RORA: variants seen among roughly 807,000 people sequenced by gnomAD.
RORA encodes RAR related orphan receptor A, also known as nuclear receptor ROR-alpha.
A neutral mutation model predicts 69.5 loss-of-function variants in RORA; 7 were observed. That is an observed-to-expected ratio of 0.10 (90% CI 0.06 to 0.19). The LOEUF is 0.19. RORA is among the 10% of genes least tolerant of loss of function. The probability of loss-of-function intolerance (pLI) is 1.00; values close to 1 mark genes in which losing one functional copy is unlikely to be tolerated. For missense variants in RORA, 457 were observed against 663.0 expected, an observed-to-expected ratio of 0.69 and a Z score of 3.41; for synonymous variants, 261 against 240.8, an observed-to-expected ratio of 1.08 and a Z score of -0.78.
chr15:60,972,245 G>T (rs762201864), intron 1 of RORA, among the ~76,000 whole-genome samples: 1 of 152,214 alleles, frequency 6.6e-6, no homozygotes, highest in Admixed American at 6.5e-5. Flanking sequence ...TTGGAGTCAA[G>T]CCTGGTGAAA....
intron 2 of RORA, chr15:60,556,967 A>G (rs898705508): frequency 1.3e-6 from 2 of 1,540,968 alleles, no homozygotes; most frequent in Non-Finnish European, 1.8e-6. Flanking sequence ...AAGGACAAAG[A>G]AAAGATTTAT....
At chr15:60,828,927 G>A (rs1223094323) in intron 1 of RORA, among the ~76,000 whole-genome samples, 1 of 152,158 alleles carries the variant, frequency 6.6e-6, no homozygotes, top group Non-Finnish European at 1.5e-5. Flanking sequence ...TATCCAAAGA[G>A]TTGCTCATTT....
chr15:60,856,247 T>C (rs570847990), intron 1 of RORA, among the ~76,000 whole-genome samples: 2 of 152,346 alleles, frequency 1.3e-5, no homozygotes, highest in Non-Finnish European at 1.5e-5. Context: ...GAGGCCACTA[T>C]TAAGTGGCAT....
intron 1 of RORA, among the ~76,000 whole-genome samples, chr15:60,708,966 T>C (rs1259706540): frequency 2.0e-5 from 3 of 152,174 alleles, no homozygotes; most frequent in Non-Finnish European, 2.9e-5. Context: ...CTTGATGTAG[T>C]GCCTGCATAG....
intron 1 of RORA, among the ~76,000 whole-genome samples, chr15:60,922,091 A>G (rs1892065482): frequency 6.6e-6 from 1 of 152,202 alleles, no homozygotes; most frequent in Non-Finnish European, 1.5e-5. Flanking sequence ...GTTTTTGCAT[A>G]TATACATCAG....
At chr15:60,959,853 A>C (rs988423333) in intron 1 of RORA, among the ~76,000 whole-genome samples, 1 of 152,158 alleles carries the variant, frequency 6.6e-6, no homozygotes, top group Non-Finnish European at 1.5e-5. Context: ...GGTTTATGGT[A>C]GAGACATATC....
intron 1 of RORA, among the ~76,000 whole-genome samples, chr15:61,155,141 T>C (rs2079431315): frequency 6.6e-6 from 1 of 152,218 alleles, no homozygotes. Context: ...TTTAAGGTGA[T>C]GGACATGGTA....
chr15:60,565,536 T>G (rs1403863811), intron 2 of RORA, among the ~76,000 whole-genome samples: 1 of 152,232 alleles, frequency 6.6e-6, no homozygotes, highest in Admixed American at 6.5e-5. Context: ...CAACTCTGTC[T>G]CATTCATAAT....
intron 1 of RORA, among the ~76,000 whole-genome samples, chr15:60,836,078 T>C (rs1202814720): frequency 6.6e-6 from 1 of 152,218 alleles, no homozygotes; most frequent in African/African-American, 2.4e-5. Flanking sequence ...GGTTAAGCAT[T>C]GGTCACAACA....
At chr15:61,100,414 C>A (rs909520134) in intron 1 of RORA, among the ~76,000 whole-genome samples, 1 of 152,168 alleles carries the variant, frequency 6.6e-6, no homozygotes, top group Non-Finnish European at 1.5e-5. Flanking sequence ...CCAGCGGTGC[C>A]CGGCCTGAGC....
chr15:60,562,462 G>A (rs1028696939), intron 2 of RORA, among the ~76,000 whole-genome samples: 3 of 149,790 alleles, frequency 2.0e-5, no homozygotes, highest in African/African-American at 7.4e-5. Context: ...TTGAGACAGA[G>A]TCTTGCTCTG....
intron 1 of RORA, among the ~76,000 whole-genome samples, chr15:60,973,009 C>A (rs1014766254): frequency 7.4e-5 from 10 of 134,542 alleles, no homozygotes; most frequent in African/African-American, 2.2e-4. Flanking sequence ...AAAAAAAAAA[C>A]AATCAATGAG....
chr15:61,049,954 C>T (rs182270421), intron 1 of RORA, among the ~76,000 whole-genome samples: 34 of 152,308 alleles, frequency 2.2e-4, no homozygotes, highest in South Asian at 4.1e-4. Context: ...CCACGGCACT[C>T]GGCCCAAGTA....
intron 2 of RORA, among the ~76,000 whole-genome samples, chr15:60,576,293 TTCTC>T (rs1212582548): frequency 1.3e-5 from 2 of 152,192 alleles, no homozygotes. Flanking sequence ...GGGCACCAAC[TTCTC>T]TCTTAGTTAT....
intron 1 of RORA, among the ~76,000 whole-genome samples, chr15:60,974,489 T>C (rs1007214903): frequency 1.8e-4 from 27 of 152,064 alleles, no homozygotes; most frequent in African/African-American, 6.5e-4. Context: ...AAGGAGAGTG[T>C]GATTAGCTCC....
chr15:61,155,597 C>T (rs1443887392), intron 1 of RORA, among the ~76,000 whole-genome samples: 2 of 152,118 alleles, frequency 1.3e-5, no homozygotes, highest in African/African-American at 4.8e-5. Flanking sequence ...TTGGAAGATT[C>T]CTTGGGCTAT....
chr15:60,684,166 A>C (rs1165198733), intron 1 of RORA, among the ~76,000 whole-genome samples: 1 of 151,930 alleles, frequency 6.6e-6, no homozygotes, highest in East Asian at 1.9e-4. Flanking sequence ...CAGCATTTCC[A>C]GAGGCCTTGT....
intron 1 of RORA, among the ~76,000 whole-genome samples, chr15:60,975,763 C>T (rs978271497): frequency 3.9e-5 from 6 of 152,326 alleles, no homozygotes; most frequent in Non-Finnish European, 8.8e-5. Context: ...GCACAGGAAA[C>T]GGGAGACCCC....
At chr15:61,206,799 G>C (rs2079946104) in intron 1 of RORA, among the ~76,000 whole-genome samples, 1 of 152,176 alleles carries the variant, frequency 6.6e-6, no homozygotes, top group Non-Finnish European at 1.5e-5. Context: ...GCACACGGGA[G>C]GGTCTGATGT....
Sources: allele counts gnomAD v4.1 joint callset (sites outside exome capture counted in the v4.1 genomes callset), GRCh38; gene constraint gnomAD v4.1.1; transcripts MANE v1.5; gene names NCBI Gene and HGNC (gene_info 2026-07-23, HGNC 2026-07-21).